The following PDLIM5 variants were observed in gnomAD, a reference collection of about 807,000 sequenced individuals.
PDLIM5 encodes the protein PDZ and LIM domain protein 5.
Under a neutral mutation model 64.2 loss-of-function variants are expected in PDLIM5, and 34 were observed. The ratio of observed to expected loss-of-function variants is 0.53; its 90% CI spans 0.40 to 0.71. PDLIM5 has a LOEUF of 0.71. PDLIM5 is among the 30% of genes least tolerant of loss of function. The pLI is 0.00. For synonymous variants in PDLIM5, 253 were observed against 269.1 expected (o/e 0.94, Z 0.59); for missense variants, 683 against 733.6 (o/e 0.93, Z 0.80).
intron 8 of PDLIM5, among the ~76,000 whole-genome samples, 156 bp from the exon 9 acceptor site, chr4:94,640,120 C>CA (rs1273854417): frequency 2.0e-5 from 3 of 152,118 alleles, no homozygotes; most frequent in African/African-American, 7.2e-5. Context: ...TACATAGTCA[C>CA]AGCCTAGTGT....
chr4:94,526,107 G>C (rs3828523), intron 3 of PDLIM5, among the ~76,000 whole-genome samples: 35,389 of 152,076 alleles, frequency 0.23, 4,437 homozygotes, highest in African/African-American at 0.32. Context: ...TTTATTTAAG[G>C]GTATGAGCTC....
chr4:94,496,664 A>AT (rs1450220198), intron 2 of PDLIM5, among the ~76,000 whole-genome samples: 2 of 151,930 alleles, frequency 1.3e-5, no homozygotes, highest in Non-Finnish European at 2.9e-5. Context: ...TAATTTTTAT[A>AT]TTTTTTGTAG....
At chr4:94,550,337 C>T (rs1578356318) in intron 3 of PDLIM5, among the ~76,000 whole-genome samples, 1 of 152,130 alleles carries the variant, frequency 6.6e-6, no homozygotes, top group Admixed American at 6.6e-5. Context: ...TAATAGAAAT[C>T]TTTCAATTAC....
Position 94,550,585 on chromosome 4 carries a change from A to C in PDLIM5, c.249-22766A>C, listed in dbSNP as rs146729664. Among the ~76,000 whole-genome samples, 1,199 of 152,278 alleles carry C rather than the reference A, an allele frequency of 7.9e-3. 12 individuals are homozygous for C. The highest frequency in any genetic ancestry group is 0.027 in the African/African-American group (1,129 of 41,548). On this transcript the variant is annotated intron_variant, in intron 3 of 12. Coordinates refer to ENST00000317968, the MANE Select transcript of PDLIM5 (RefSeq NM_006457.5). ...TAGCTTAGTTGATACACTTCAAAGT[A>C]CCCGTTAGACACACCACAGATTGAC...
At chr4:94,657,590 G>T (rs761131307) in intron 11 of PDLIM5, 43 bp downstream of exon 11, 1 of 1,496,178 alleles carries the variant, frequency 6.7e-7, no homozygotes, top group Admixed American at 1.8e-5. Context: ...TTGAATAAAG[G>T]TAAAACATTA....
intron 3 of PDLIM5, among the ~76,000 whole-genome samples, chr4:94,564,913 C>A (rs1347487381): frequency 6.6e-6 from 1 of 152,138 alleles, no homozygotes; most frequent in Non-Finnish European, 1.5e-5. Flanking sequence ...GCCTCGGCCT[C>A]CCAAAGTGCT....
chr4:94,654,777 G>T, intron 10 of PDLIM5, 137 bp downstream of exon 10: 1 of 608,074 alleles, frequency 1.6e-6, no homozygotes. Context: ...ATTTATTATT[G>T]TAAAGCAAAA....
rs1233260603 is a variant in PDLIM5 at position 94,668,181 on chromosome 4, A to G, written c.*4114A>G. The stretch of plus-strand genomic sequence containing the variant: ...ATAATCAGTATAGTAATAATACCAT[A>G]ATGTGCACATACTCAATAAATAAAT... On this transcript the variant is annotated 3_prime_UTR_variant, in exon 13 of 13. Transcript: ENST00000317968. 6.6e-6 allele frequency: 1 copy of G among 152,174 alleles called. No homozygotes were observed. The highest frequency in any genetic ancestry group is 1.5e-5 in the Non-Finnish European group (1 of 68,020). The allele number at this position is 152,174 out of a possible 1,614,324, so 9.4% of individuals were successfully genotyped here.
intron 3 of PDLIM5, among the ~76,000 whole-genome samples, chr4:94,572,636 A>G (rs900476671): frequency 1.3e-5 from 2 of 152,178 alleles, no homozygotes; most frequent in Non-Finnish European, 2.9e-5. Flanking sequence ...AGTTATATAC[A>G]TGGATTTTTG....
chr4:94,517,577 C>T (rs539902605), intron 2 of PDLIM5, among the ~76,000 whole-genome samples: 1 of 152,278 alleles, frequency 6.6e-6, no homozygotes, highest in East Asian at 1.9e-4. Context: ...AAAACAACAG[C>T]TTCCATTTTC....
chr4:94,522,826 T>A (rs542073375), intron 2 of PDLIM5, among the ~76,000 whole-genome samples: 27 of 152,328 alleles, frequency 1.8e-4, no homozygotes, highest in African/African-American at 6.5e-4. Context: ...GCCTAGTCTC[T>A]CCCATCTTCC....
At chr4:94,457,014 C>A (rs1405220590) in intron 2 of PDLIM5, 1 of 962,972 alleles carries the variant, frequency 1.0e-6, no homozygotes, top group Non-Finnish European at 1.2e-6. Context: ...TTAGTTGTTT[C>A]TTTAATCAGA....
At chr4:94,508,605 C>A (rs1335739846) in intron 2 of PDLIM5, among the ~76,000 whole-genome samples, 2 of 152,090 alleles carry the variant, frequency 1.3e-5, no homozygotes, top group African/African-American at 4.8e-5. Flanking sequence ...ATAGGAGGAA[C>A]CAGGAGTTGG....
At chr4:94,657,403 C>T in intron 10 of PDLIM5, 24 bp from the exon 11 acceptor site, 1 of 1,519,782 alleles carries the variant, frequency 6.6e-7, no homozygotes. Context: ...TCTTTTTTTA[C>T]ATCCAATTAC....
chr4:94,594,056 C>T (rs1736874109), intron 7 of PDLIM5, among the ~76,000 whole-genome samples: 1 of 152,108 alleles, frequency 6.6e-6, no homozygotes, highest in Non-Finnish European at 1.5e-5. Context: ...CACACACTAT[C>T]TCTAATGGAA....
chr4:94,523,917 T>A, intron 3 of PDLIM5, 42 bp downstream of exon 3: 1 of 1,504,868 alleles, frequency 6.6e-7, no homozygotes, highest in South Asian at 1.2e-5. Flanking sequence ...AAAACAACAT[T>A]GAGGAATGTG....
At chr4:94,624,855 A>G (rs1306603684) in intron 8 of PDLIM5, among the ~76,000 whole-genome samples, 3 of 152,202 alleles carry the variant, frequency 2.0e-5, no homozygotes, top group Admixed American at 6.5e-5. Context: ...TGATGCTGAA[A>G]GGAAGCTATT....
chr4:94,535,232 G>C (rs1419909392), intron 3 of PDLIM5, among the ~76,000 whole-genome samples: 1 of 152,164 alleles, frequency 6.6e-6, no homozygotes, highest in East Asian at 1.9e-4. Flanking sequence ...CCACAGTCGT[G>C]TTCTGGATAG....
chr4:94,498,151 C>T (rs1179109056), intron 2 of PDLIM5, among the ~76,000 whole-genome samples: 2 of 152,142 alleles, frequency 1.3e-5, no homozygotes, highest in African/African-American at 4.8e-5. Context: ...AAGAAGCGGG[C>T]TCATTTGTAT....
Sources: allele counts gnomAD v4.1 joint callset (sites outside exome capture counted in the v4.1 genomes callset), GRCh38; gene constraint gnomAD v4.1.1; transcripts MANE v1.5; gene names NCBI Gene and HGNC (gene_info 2026-07-23, HGNC 2026-07-21).